Variants in PTPRD observed in about 807,000 individuals in gnomAD.
PTPRD encodes the protein receptor-type tyrosine-protein phosphatase delta.
A neutral mutation model predicts 214.5 loss-of-function variants in PTPRD; 34 were observed. That is an observed-to-expected ratio of 0.16 (90% CI 0.12 to 0.21). The LOEUF (loss-of-function observed/expected upper bound fraction) is 0.21. Ranked by LOEUF, PTPRD falls within the 10% of genes least tolerant of loss-of-function variation. PTPRD has a pLI of 1.00. For missense variants in PTPRD, 2,545 were observed against 2,398.7 expected (o/e 1.06, Z -1.27); for synonymous variants, 1,128 against 845.7 (o/e 1.33, Z -5.79).
At chr9:8,430,625 T>C (rs1050612371) in intron 35 of PTPRD, among the ~76,000 whole-genome samples, 2 of 152,098 alleles carry the variant, frequency 1.3e-5, no homozygotes, top group South Asian at 2.1e-4. Context: ...TTTTAAAATG[T>C]AGATTCTGAA....
At chr9:8,329,874 C>T (rs796918232) in intron 44 of PTPRD, among the ~76,000 whole-genome samples, 23 of 150,862 alleles carry the variant, frequency 1.5e-4, no homozygotes, top group African/African-American at 4.9e-4. Context: ...TCACGAAGCT[C>T]GAATGGCCCA....
Position 8,341,559 on chromosome 9 carries a change from T to C in PTPRD, c.4947+134A>G, listed in dbSNP as rs878882348. On this transcript the variant is annotated intron_variant, in intron 40 of 45. Transcript: ENST00000381196. ...AGGAAAAGGGGAGGAATACATTTTATAATCATACACCTGAGGGAAAGGTCA... is the reference window on the plus strand; with the variant it reads ...AGGAAAAGGGGAGGAATACATTTTACAATCATACACCTGAGGGAAAGGTCA... The C allele has an allele frequency of 4.4e-5, 48 of 1,080,978 alleles. No individual in the cohort carries two copies. The South Asian group carries it at 7.4e-4, about 17-fold the overall frequency. 67.0% of individuals were successfully genotyped at this position (1,080,978 alleles called of 1,614,324 possible).
intron 3 of PTPRD, among the ~76,000 whole-genome samples, chr9:10,257,178 T>A (rs181793606): frequency 8.5e-5 from 13 of 152,326 alleles, no homozygotes; most frequent in Admixed American, 7.8e-4. Flanking sequence ...GAACTTAACA[T>A]ATACTGGTTT....
chr9:8,524,813 A>C (rs751109862), intron 18 of PTPRD, 112 bp downstream of exon 18: 3 of 876,758 alleles, frequency 3.4e-6, no homozygotes, highest in Admixed American at 3.4e-5. Context: ...AGCTACGGTC[A>C]CTATTACCAA....
chr9:8,406,146 A>C (rs907141687), intron 35 of PTPRD, among the ~76,000 whole-genome samples: 1 of 152,196 alleles, frequency 6.6e-6, no homozygotes, highest in African/African-American at 2.4e-5. Flanking sequence ...CTGAAAACTA[A>C]TATAATTAAG....
At chr9:9,083,637 C>T (rs324469) in intron 10 of PTPRD, among the ~76,000 whole-genome samples, 101,237 of 151,858 alleles carry the variant, frequency 0.67, 34,194 homozygotes, top group Non-Finnish European at 0.72. Flanking sequence ...GGGAGAAAAT[C>T]TTTGCAATCT....
chr9:8,505,992 T>C (rs1032467786), intron 22 of PTPRD, among the ~76,000 whole-genome samples: 5 of 152,234 alleles, frequency 3.3e-5, no homozygotes, highest in African/African-American at 4.8e-5. Context: ...GCATTTCAAC[T>C]ATATAACTTT....
At chr9:9,834,617 C>A (rs148941945) in intron 5 of PTPRD, among the ~76,000 whole-genome samples, 119 of 152,112 alleles carry the variant, frequency 7.8e-4, no homozygotes, top group African/African-American at 2.6e-3. Context: ...ACTAGTTTGG[C>A]AGGAAGGAGC....
chr9:9,521,096 C>A (rs1371161392), intron 8 of PTPRD, among the ~76,000 whole-genome samples: 1 of 152,106 alleles, frequency 6.6e-6, no homozygotes, highest in Non-Finnish European at 1.5e-5. Context: ...AGATTTAGAA[C>A]CTCTCCATAA....
chr9:9,094,414 C>A (rs1031033791), intron 10 of PTPRD, among the ~76,000 whole-genome samples: 7 of 152,062 alleles, frequency 4.6e-5, no homozygotes, highest in Non-Finnish European at 1.0e-4. Context: ...TGAAATAATT[C>A]AGGAAAGGAA....
At chr9:9,021,983 G>A (rs926288274) in intron 10 of PTPRD, among the ~76,000 whole-genome samples, 2 of 151,790 alleles carry the variant, frequency 1.3e-5, no homozygotes, top group Admixed American at 6.6e-5. Flanking sequence ...CGGGGTGGGG[G>A]GCAAGGGGAG....
intron 7 of PTPRD, among the ~76,000 whole-genome samples, chr9:9,613,444 T>C (rs903297923): frequency 1.3e-5 from 2 of 152,008 alleles, no homozygotes; most frequent in African/African-American, 4.8e-5. Flanking sequence ...AGCATTCTGT[T>C]CTTTTTGCCA....
At chr9:10,188,533 AT>A (rs1419422374) in intron 3 of PTPRD, among the ~76,000 whole-genome samples, 2 of 151,466 alleles carry the variant, frequency 1.3e-5, no homozygotes, top group Admixed American at 1.3e-4. Flanking sequence ...AGCTTTTTCA[AT>A]ATTTTTTTTT....
chr9:9,092,058 T>C (rs946017366), intron 10 of PTPRD, among the ~76,000 whole-genome samples: 2 of 152,232 alleles, frequency 1.3e-5, no homozygotes, highest in Non-Finnish European at 2.9e-5. Context: ...AGATTCACTC[T>C]TAAACTTTCA....
chr9:8,639,716 C>T lies in PTPRD; in HGVS notation c.65-2872G>A, dbSNP rs529181042. 5.1e-4 allele frequency among the ~76,000 whole-genome samples: 77 copies of T among 152,286 alleles called. No homozygotes were observed. The South Asian group carries it at 0.012, about 23-fold the overall frequency. ...GCAATGGATGCTTGGGTAAGTGCTT[C>T]ATCTGTCCTGTTGCCATGTAAGGAC... On this transcript the variant is annotated intron_variant, in intron 12 of 45. Coordinates refer to ENST00000381196, the MANE Select transcript of PTPRD (RefSeq NM_002839.4).
intron 9 of PTPRD, among the ~76,000 whole-genome samples, chr9:9,340,836 C>G (rs566288249): frequency 2.6e-4 from 40 of 152,254 alleles, no homozygotes; most frequent in Non-Finnish European, 4.9e-4. Flanking sequence ...TTTTCATGAG[C>G]TGTTACATTC....
At chr9:10,429,859 T>C (rs1437852622) in intron 2 of PTPRD, among the ~76,000 whole-genome samples, 1 of 151,932 alleles carries the variant, frequency 6.6e-6, no homozygotes, top group African/African-American at 2.4e-5. Context: ...AAGTAGGGCA[T>C]TGTTCCCCTT....
intron 5 of PTPRD, among the ~76,000 whole-genome samples, chr9:9,835,183 A>G (rs1422006672): frequency 6.6e-6 from 1 of 152,124 alleles, no homozygotes; most frequent in Non-Finnish European, 1.5e-5. Context: ...AGTATCTGCA[A>G]TTTCAGTTAT....
At chr9:8,696,636 A>G (rs1166126470) in intron 12 of PTPRD, among the ~76,000 whole-genome samples, 2 of 152,198 alleles carry the variant, frequency 1.3e-5, no homozygotes, top group African/African-American at 4.8e-5. Context: ...AGAACAGGGA[A>G]GACAATGGAT....
Sources: gnomAD v4.1 joint callset for allele counts (sites outside exome capture counted in the v4.1 genomes callset) on GRCh38, gnomAD v4.1.1 for gene constraint, MANE v1.5 for transcripts, NCBI Gene and HGNC (gene_info 2026-07-23, HGNC 2026-07-21) for gene names.